Variants in CELA2A observed in about 807,000 individuals in gnomAD.
CELA2A encodes the protein chymotrypsin like elastase 2A.
Under a neutral mutation model 35.3 loss-of-function variants are expected in CELA2A, and 31 were observed. The ratio of observed to expected loss-of-function variants is 0.88; its 90% CI spans 0.66 to 1.19. The LOEUF (loss-of-function observed/expected upper bound fraction) is 1.19. CELA2A is among the 50% of genes most tolerant of loss of function. The pLI is 0.00. For missense variants in CELA2A, 330 were observed against 352.9 expected, an observed-to-expected ratio of 0.94 and a Z score of 0.52; for synonymous variants, 150 against 149.8, an observed-to-expected ratio of 1.00 and a Z score of -0.01.
chr1:15,457,344 G>C, intron 2 of CELA2A, 170 bp downstream of exon 2: 1 of 649,628 alleles, frequency 1.5e-6, no homozygotes, highest in African/African-American at 1.8e-5. Flanking sequence ...GGGCGCAGTG[G>C]CTCATGCCTG....
intron 3 of CELA2A, chr1:15,461,975 G>A (rs2103301996): frequency 3.6e-6 from 2 of 554,620 alleles, no homozygotes; most frequent in Non-Finnish European, 7.0e-6. Context: ...CAACTTAACT[G>A]ACTTCTCAAA....
At chr1:15,456,851 G>A in intron 1 of CELA2A, 58 bp downstream of exon 1, 1 of 1,609,904 alleles carries the variant, frequency 6.2e-7, no homozygotes, top group East Asian at 2.2e-5. Flanking sequence ...CTGGAAATGG[G>A]ATCTTCCTGT....
intron 7 of CELA2A, among the ~76,000 whole-genome samples, chr1:15,469,475 C>T (rs138912378): frequency 2.6e-5 from 4 of 152,294 alleles, no homozygotes; most frequent in African/African-American, 9.6e-5. Context: ...ATTAAACTGA[C>T]ACTTATAAAA....
rs1334950256 is a variant in CELA2A at position 15,462,744 on chromosome 1, C to T, written c.239C>T (p.Thr80Ile). 7 of 1,614,032 alleles carry T rather than the reference C, an allele frequency of 4.3e-6. No individual in the cohort carries two copies. The highest frequency in any genetic ancestry group is 5.9e-6 in the Non-Finnish European group (7 of 1,179,990). Reference protein sequence around the residue: ...TAAHCISSSRTYRVGLGRHNL... With the variant: ...TAAHCISSSRIYRVGLGRHNL... ...CCCCTTTCTCCCAGCTCCTCCAGGA[C>T]CTACCGCGTGGGGCTGGGCCGGCAC... Residue 80 changes from threonine to isoleucine, a missense_variant, in exon 4 of 8, where the codon ACC (threonine) becomes ATC (isoleucine). Physicochemically the swap from Thr to Ile is moderately conservative, Grantham distance 89. Coordinates refer to ENST00000359621, the MANE Select transcript of CELA2A (RefSeq NM_033440.3).
chr1:15,471,919 CAG>C (rs1215360780), intron 7 of CELA2A, 69 bp from the exon 8 acceptor site: 4 of 1,596,338 alleles, frequency 2.5e-6, no homozygotes, highest in South Asian at 1.1e-5. Context: ...CCCAGGAGGA[CAG>C]AGACAGGAAA....
intron 7 of CELA2A, among the ~76,000 whole-genome samples, chr1:15,468,774 C>T (rs776725036): frequency 5.3e-5 from 8 of 152,192 alleles, no homozygotes; most frequent in African/African-American, 1.4e-4. Flanking sequence ...GCCTGGGCGA[C>T]ATAGCAAGAC....
intron 2 of CELA2A, among the ~76,000 whole-genome samples, chr1:15,459,730 C>T (rs1708407882): frequency 6.6e-6 from 1 of 152,172 alleles, no homozygotes; most frequent in Admixed American, 6.5e-5. Context: ...CTTCTGTTTC[C>T]CTGCGGAAAT....
chr1:15,461,659 G>A lies in CELA2A; in HGVS notation c.227+1G>A, dbSNP rs1329135768. On this transcript the variant is annotated splice_donor_variant, in intron 3 of 7. Coordinates refer to ENST00000359621, the MANE Select transcript of CELA2A (RefSeq NM_033440.3). LOFTEE classifies it high-confidence loss of function. Reference sequence around the variant, plus strand: ...TCCTGACGGCTGCCCACTGCATCAGGTAACTGCCTTTCCCTGGGCGCTTGG... The same window carrying A: ...TCCTGACGGCTGCCCACTGCATCAGATAACTGCCTTTCCCTGGGCGCTTGG... 6.2e-7 allele frequency: 1 copy of A among 1,613,848 alleles called. No homozygotes were observed. Among genetic ancestry groups the A allele is most frequent in the East Asian group, 2.2e-5 (1 of 44,904 alleles).
At chr1:15,459,015 G>T (rs1708397192) in intron 2 of CELA2A, among the ~76,000 whole-genome samples, 2 of 147,074 alleles carry the variant, frequency 1.4e-5, no homozygotes, top group African/African-American at 5.1e-5. Context: ...TTTTGAGACA[G>T]AGTCTTGCTC....
At chr1:15,471,344 T>C (rs1305275993) in intron 7 of CELA2A, among the ~76,000 whole-genome samples, 1 of 152,060 alleles carries the variant, frequency 6.6e-6, no homozygotes, top group Non-Finnish European at 1.5e-5. Flanking sequence ...GTCAGCAGTT[T>C]GAGACCAGCC....
At chr1:15,459,722 T>C (rs1708407776) in intron 2 of CELA2A, among the ~76,000 whole-genome samples, 1 of 152,186 alleles carries the variant, frequency 6.6e-6, no homozygotes, top group South Asian at 2.1e-4. Flanking sequence ...GCTTTGTGCT[T>C]CTGTTTCCCT....
At chr1:15,460,857 G>C (rs1200448118) in intron 2 of CELA2A, among the ~76,000 whole-genome samples, 1 of 64,934 alleles carries the variant, frequency 1.5e-5, no homozygotes, top group Non-Finnish European at 3.1e-5. Flanking sequence ...GGCTATTTTT[G>C]TTGTAGAGAC....
At chr1:15,461,534 C>A (rs756177036) in intron 2 of CELA2A, 27 bp from the exon 3 acceptor site, 3 of 1,611,216 alleles carry the variant, frequency 1.9e-6, no homozygotes, top group Admixed American at 1.7e-5. Context: ...TCAAACCTAG[C>A]CACAGAGCTC....
intron 5 of CELA2A, among the ~76,000 whole-genome samples, chr1:15,464,222 G>C (rs1708480695): frequency 6.6e-6 from 1 of 152,120 alleles, no homozygotes; most frequent in African/African-American, 2.4e-5. Context: ...TGTGGCCCAA[G>C]GCTAGAGTTC....
At chr1:15,470,954 G>A (rs1331348836) in intron 7 of CELA2A, among the ~76,000 whole-genome samples, 1 of 152,154 alleles carries the variant, frequency 6.6e-6, no homozygotes, top group Non-Finnish European at 1.5e-5. Flanking sequence ...TACGTAGATA[G>A]ACACTGTCTT....
intron 7 of CELA2A, among the ~76,000 whole-genome samples, chr1:15,469,588 A>G (rs74054733): frequency 0.035 from 5,337 of 152,308 alleles, 304 homozygotes; most frequent in African/African-American, 0.12. Context: ...GATTCTTGCC[A>G]GATCCTTGTT....
rs1366993039 is a variant in CELA2A, at chr1:15,468,123, G to A, written c.792+585G>A. ...AAAAAAAAAAAAAAAAAGAGTGAGT[G>A]CCATAGAAATGGTGATTTTATTTTT... On this transcript the variant is annotated intron_variant, in intron 7 of 7. Coordinates refer to ENST00000359621, the MANE Select transcript of CELA2A (RefSeq NM_033440.3). Among the ~76,000 whole-genome samples, 3 of 147,920 alleles carry A rather than the reference G, an allele frequency of 2.0e-5. No individual in the cohort carries two copies. The Admixed American group carries it at 2.0e-4, about 10-fold the overall frequency.
At chr1:15,465,206 T>G (rs878942475) in intron 5 of CELA2A, among the ~76,000 whole-genome samples, 1 of 151,954 alleles carries the variant, frequency 6.6e-6, no homozygotes, top group African/African-American at 2.4e-5. Context: ...AGGTGGGGTT[T>G]CACCATGTTG....
chr1:15,469,058 A>G (rs1372779817), intron 7 of CELA2A, among the ~76,000 whole-genome samples: 1 of 152,128 alleles, frequency 6.6e-6, no homozygotes, highest in Non-Finnish European at 1.5e-5. Context: ...CGTGCTTGTA[A>G]TCCCAGCTAC....
Sources: gnomAD v4.1 joint callset for allele counts (sites outside exome capture counted in the v4.1 genomes callset) on GRCh38, gnomAD v4.1.1 for gene constraint, MANE v1.5 for transcripts, NCBI Gene and HGNC (gene_info 2026-07-23, HGNC 2026-07-21) for gene names.